PRKG1: variants seen among roughly 807,000 people sequenced by gnomAD.
The protein encoded by PRKG1 is protein kinase cGMP-dependent 1.
A neutral mutation model predicts 88.1 loss-of-function variants in PRKG1; 35 were observed. That is an observed-to-expected ratio of 0.40 (90% CI 0.30 to 0.53). The LOEUF (loss-of-function observed/expected upper bound fraction) is 0.53, where lower values mean the gene tolerates loss of function less well. Ranked by LOEUF, PRKG1 falls within the 20% of genes least tolerant of loss-of-function variation. The probability of loss-of-function intolerance (pLI) is 0.59; values close to 1 mark genes in which losing one functional copy is unlikely to be tolerated. For missense variants in PRKG1, 540 were observed against 839.8 expected, an observed-to-expected ratio of 0.64 and a Z score of 4.41; for synonymous variants, 303 against 292.5, an observed-to-expected ratio of 1.04 and a Z score of -0.37.
intron 8 of PRKG1, among the ~76,000 whole-genome samples, chr10:52,157,788 C>A (rs75810540): frequency 6.6e-6 from 1 of 151,154 alleles, no homozygotes; most frequent in South Asian, 2.1e-4. Flanking sequence ...TCTTCCCTTC[C>A]TTGTTCTTCC....
intron 5 of PRKG1, among the ~76,000 whole-genome samples, chr10:52,045,924 C>T (rs556984816): frequency 3.3e-5 from 5 of 152,082 alleles, no homozygotes; most frequent in Admixed American, 2.6e-4. Context: ...AACCATCCTT[C>T]CTTCCCACAG....
chr10:51,252,837 A>G (rs1445171379), intron 2 of PRKG1, among the ~76,000 whole-genome samples: 1 of 151,840 alleles, frequency 6.6e-6, no homozygotes, highest in Non-Finnish European at 1.5e-5. Flanking sequence ...CTCCTGGTGT[A>G]AGGTCTGGAA....
intron 1 of PRKG1, among the ~76,000 whole-genome samples, chr10:51,097,121 C>T (rs181956281): frequency 1.6e-4 from 24 of 152,318 alleles, no homozygotes; most frequent in Non-Finnish European, 2.6e-4. Flanking sequence ...CAGATCCTGC[C>T]ATGGGTGCAT....
At chr10:51,507,303 A>G (rs944424745) in intron 3 of PRKG1, among the ~76,000 whole-genome samples, 12 of 151,874 alleles carry the variant, frequency 7.9e-5, no homozygotes, top group African/African-American at 2.9e-4. Flanking sequence ...AAGTATAAAA[A>G]AAAATAAAAA....
In PRKG1 at chr10:52,282,521, T is replaced by C. The variant is rs151230499; in HGVS notation, c.1709+205T>C. Among the ~76,000 whole-genome samples the C allele has an allele frequency of 5.1e-4, 78 of 152,236 alleles. 1 individual carries two copies. Among genetic ancestry groups the C allele is most frequent in the African/African-American group, 1.8e-3 (73 of 41,572 alleles). ...TAGGGCAACCACCTGAACACTAACTTTTGGTCTCATTATTGCTACTTCTTT... is the reference window on the plus strand; with the variant it reads ...TAGGGCAACCACCTGAACACTAACTCTTGGTCTCATTATTGCTACTTCTTT... On this transcript the variant is annotated intron_variant, in intron 14 of 17. Coordinates refer to ENST00000373980, the MANE Select transcript of PRKG1 (RefSeq NM_006258.4).
intron 9 of PRKG1, among the ~76,000 whole-genome samples, chr10:52,163,994 A>G (rs913956764): frequency 2.6e-5 from 4 of 152,140 alleles, no homozygotes; most frequent in Non-Finnish European, 5.9e-5. Flanking sequence ...CAGTTTTCAC[A>G]TTTTTAAAAT....
chr10:52,270,803 T>G (rs1026665479), intron 10 of PRKG1, among the ~76,000 whole-genome samples: 8 of 151,892 alleles, frequency 5.3e-5, no homozygotes, highest in African/African-American at 1.9e-4. Flanking sequence ...CACACCAACA[T>G]GGCACATGTA....
chr10:51,367,591 C>T (rs973395321), intron 2 of PRKG1, among the ~76,000 whole-genome samples: 5 of 151,814 alleles, frequency 3.3e-5, no homozygotes, highest in African/African-American at 7.2e-5. Flanking sequence ...CGTCTGTCCC[C>T]CTTATTTTTA....
chr10:51,781,463 G>T (rs1246852469), intron 3 of PRKG1, among the ~76,000 whole-genome samples: 1 of 152,138 alleles, frequency 6.6e-6, no homozygotes, highest in Non-Finnish European at 1.5e-5. Context: ...TTTATAAAAT[G>T]TTGACAGCCT....
At chr10:52,156,485 G>T (rs939313055) in intron 8 of PRKG1, among the ~76,000 whole-genome samples, 1 of 151,940 alleles carries the variant, frequency 6.6e-6, no homozygotes, top group Admixed American at 6.6e-5. Flanking sequence ...ATGTACATAT[G>T]TGTGAGTTTG....
intron 2 of PRKG1, among the ~76,000 whole-genome samples, chr10:51,158,022 T>G (rs1244299815): frequency 8.6e-5 from 13 of 151,898 alleles, no homozygotes; most frequent in Admixed American, 8.5e-4. Context: ...TTGGGAACAT[T>G]CAATATCCTC....
At chr10:51,258,116 C>A (rs1469675347) in intron 2 of PRKG1, among the ~76,000 whole-genome samples, 6 of 152,210 alleles carry the variant, frequency 3.9e-5, no homozygotes, top group South Asian at 2.1e-4. Context: ...GGGAGCTAAT[C>A]GGGTCCATTT....
At chr10:52,209,447 A>C (rs1187617754) in intron 9 of PRKG1, among the ~76,000 whole-genome samples, 1 of 152,152 alleles carries the variant, frequency 6.6e-6, no homozygotes, top group Non-Finnish European at 1.5e-5. Flanking sequence ...TTTTACCTTG[A>C]GTTGTCTATT....
chr10:52,111,403 T>C (rs1240771911), intron 7 of PRKG1, among the ~76,000 whole-genome samples: 1 of 152,252 alleles, frequency 6.6e-6, no homozygotes, highest in Non-Finnish European at 1.5e-5. Context: ...TTGACATTTT[T>C]ACTCAGTATT....
At chr10:51,976,768 A>T (rs1843845521) in intron 5 of PRKG1, among the ~76,000 whole-genome samples, 1 of 152,000 alleles carries the variant, frequency 6.6e-6, no homozygotes, top group African/African-American at 2.4e-5. Context: ...CTTGTGAATT[A>T]TATCTCAATG....
At chr10:51,449,439 GGA>G (rs1360013435) in intron 2 of PRKG1, among the ~76,000 whole-genome samples, 1 of 149,282 alleles carries the variant, frequency 6.7e-6, no homozygotes, top group Non-Finnish European at 1.5e-5. Flanking sequence ...TTATAATCCT[GGA>G]GATGTCAACT....
chr10:52,060,668 A>G (rs973713030), intron 6 of PRKG1, among the ~76,000 whole-genome samples: 3 of 151,888 alleles, frequency 2.0e-5, no homozygotes, highest in Admixed American at 1.3e-4. Flanking sequence ...TGATAACAAT[A>G]TAATATAATA....
At chr10:51,398,498 A>G (rs1564476814) in intron 2 of PRKG1, among the ~76,000 whole-genome samples, 1 of 152,202 alleles carries the variant, frequency 6.6e-6, no homozygotes, top group Non-Finnish European at 1.5e-5. Context: ...TTAAGGAACC[A>G]AGAACAAAAT....
chr10:51,915,326 C>G (rs1032653389), intron 5 of PRKG1, among the ~76,000 whole-genome samples: 3 of 152,236 alleles, frequency 2.0e-5, no homozygotes, highest in Non-Finnish European at 2.9e-5. Flanking sequence ...TTGTTTGTAA[C>G]TAAACTTTTT....
Sources: gnomAD v4.1 joint callset for allele counts (sites outside exome capture counted in the v4.1 genomes callset) on GRCh38, gnomAD v4.1.1 for gene constraint, MANE v1.5 for transcripts, NCBI Gene and HGNC (gene_info 2026-07-23, HGNC 2026-07-21) for gene names.